Variants in DDHD2 observed in about 807,000 individuals in gnomAD.
The protein encoded by DDHD2 is DDHD domain containing 2, also known as triacylglycerol hydrolase DDHD2.
In DDHD2, 62 loss-of-function variants were observed where a neutral mutation model predicts 91.2. The ratio of observed to expected loss-of-function variants is 0.68; its 90% CI spans 0.55 to 0.84. The LOEUF is 0.84. DDHD2 is among the 40% of genes least tolerant of loss of function. The pLI is 0.00. For missense variants in DDHD2, 740 were observed against 846.9 expected (o/e 0.87, Z 1.57); for synonymous variants, 271 against 293.9 (o/e 0.92, Z 0.80).
chr8:38,260,426 A>G (rs946831234), intron 17 of DDHD2, 174 bp from the exon 18 acceptor site: 9 of 228,440 alleles, frequency 3.9e-5, no homozygotes, highest in African/African-American at 9.0e-5. Flanking sequence ...TGGTTCTGTT[A>G]TCTAAGAGTT....
At chr8:38,244,510 C>T (rs375798156) in intron 7 of DDHD2, among the ~76,000 whole-genome samples, 75 of 152,192 alleles carry the variant, frequency 4.9e-4, no homozygotes, top group African/African-American at 1.4e-3. Context: ...CCCGCCTCAG[C>T]CTCCCAAAGT....
At chr8:38,266,242 C>T (rs1807564774), downstream of DDHD2, 1 of 1,613,796 alleles carries the variant, frequency 6.2e-7, no homozygotes, top group Non-Finnish European at 8.5e-7. Context: ...TTTCCCACGG[C>T]CTTGTGGTGT....
At chr8:38,237,404 A>G in intron 3 of DDHD2, 134 bp from the exon 4 acceptor site, 1 of 534,296 alleles carries the variant, frequency 1.9e-6, no homozygotes, top group South Asian at 2.0e-5. Context: ...CAACAAAAAG[A>G]TTTAAAAATA....
intron 3 of DDHD2, among the ~76,000 whole-genome samples, chr8:38,236,857 G>A (rs1286893081): frequency 6.6e-6 from 1 of 151,234 alleles, no homozygotes; most frequent in Non-Finnish European, 1.5e-5. Flanking sequence ...TAAAAATGGG[G>A]TTTTGCCGTG....
chr8:38,244,825 A>G (rs1805500848), intron 7 of DDHD2, among the ~76,000 whole-genome samples: 1 of 152,192 alleles, frequency 6.6e-6, no homozygotes, highest in South Asian at 2.1e-4. Context: ...CAGCCTCCCA[A>G]AGTGCTGGCA....
downstream of DDHD2, chr8:38,272,088 T>C (rs2130973613): frequency 1.3e-5 from 2 of 152,384 alleles, no homozygotes; most frequent in Middle Eastern, 6.8e-3. Flanking sequence ...CTGTCCCATC[T>C]GAGGGTCCTT....
At chr8:38,253,921 A>G (rs1189015514) in intron 16 of DDHD2, among the ~76,000 whole-genome samples, 3 of 151,974 alleles carry the variant, frequency 2.0e-5, no homozygotes, top group Admixed American at 2.0e-4. Flanking sequence ...CTCTACAAAA[A>G]CTAAATTAGC....
Position 38,232,901 on chromosome 8 carries a change from C to G in DDHD2, c.-8-86C>G, listed in dbSNP as rs1414916770. 7 of 838,630 alleles carry G rather than the reference C, an allele frequency of 8.3e-6. No individual in the cohort carries two copies. In the East Asian group the frequency reaches 1.1e-4, roughly 13 times the overall value. The allele number at this position is 838,630 out of a possible 1,614,324, so 51.9% of individuals were successfully genotyped here. A position where few individuals can be genotyped will look rare whatever the true frequency, so the allele number is the denominator to read the frequency against. The stretch of plus-strand genomic sequence containing the variant: ...GTTGTTGTTGTTGCAGAAATGGCTC[C>G]GTAAAATGATTAGTTTTGTGCGTGT... On this transcript the variant is annotated intron_variant, in intron 1 of 17. Coordinates refer to ENST00000397166, the MANE Select transcript of DDHD2 (RefSeq NM_015214.3).
rs999258868 is a variant in DDHD2 at position 38,239,652 on chromosome 8, A to C, written c.623-623A>C. Reference sequence around the variant, plus strand: ...CAGTGAGCCAAGATCGTGCCACTGCACTCCAGCCTGGGTGACAGAGCAAGA... The same window carrying C: ...CAGTGAGCCAAGATCGTGCCACTGCCCTCCAGCCTGGGTGACAGAGCAAGA... On this transcript the variant is annotated intron_variant, in intron 5 of 17. Transcript: ENST00000397166. Among the ~76,000 whole-genome samples the C allele has an allele frequency of 3.6e-5, 5 of 137,928 alleles. No individual in the cohort carries two copies. The South Asian group carries it at 1.2e-3, about 33-fold the overall frequency. The allele number at this position is 137,928 out of a possible 152,430, so 90.5% of individuals were successfully genotyped here.
At chr8:38,268,190 G>A in intron 1 of DDHD2, 1 of 1,140,198 alleles carries the variant, frequency 8.8e-7, no homozygotes, top group Non-Finnish European at 1.2e-6. Context: ...GCACAGGGCT[G>A]CCTGCCGTGT....
downstream of DDHD2, chr8:38,273,083 G>A (rs564733990): frequency 6.6e-6 from 1 of 152,306 alleles, no homozygotes; most frequent in East Asian, 1.9e-4. Context: ...AGGCTGGAGT[G>A]CAGTGATGTG....
chr8:38,257,183 T>C (rs1233999507), intron 16 of DDHD2, among the ~76,000 whole-genome samples: 1 of 151,510 alleles, frequency 6.6e-6, no homozygotes, highest in Admixed American at 6.6e-5. Flanking sequence ...ATCCTCCCAC[T>C]TGGCTTCCCA....
At chr8:38,247,263 G>T (rs1391984635) in intron 9 of DDHD2, 1 of 151,736 alleles carries the variant, frequency 6.6e-6, no homozygotes, top group Non-Finnish European at 1.5e-5. Flanking sequence ...CTCCCCAGTA[G>T]CTGGGACAGG....
downstream of DDHD2, chr8:38,267,114 C>G: frequency 6.6e-7 from 1 of 1,504,982 alleles, no homozygotes; most frequent in Non-Finnish European, 8.9e-7. Flanking sequence ...AGTCAAGGCT[C>G]AGACTTGTTA....
chr8:38,264,455 A>T, downstream of DDHD2: 1 of 1,548,070 alleles, frequency 6.5e-7, no homozygotes. Context: ...TAAATATCAA[A>T]ACAATAAGAA....
chr8:38,269,208 G>C, intron 1 of DDHD2: 2 of 1,496,832 alleles, frequency 1.3e-6, no homozygotes, highest in South Asian at 1.2e-5. Context: ...ATCCGGCCGC[G>C]AGCTCCGAGC....
At chr8:38,238,398 A>C (rs996244799) in intron 5 of DDHD2, 189 bp downstream of exon 5, 119 of 1,356,540 alleles carry the variant, frequency 8.8e-5, no homozygotes, top group Non-Finnish European at 1.1e-4. Context: ...AATATCTTTT[A>C]AAACATATGG....
downstream of DDHD2, chr8:38,264,732 CTT>C (rs1807317717): frequency 6.9e-7 from 1 of 1,442,386 alleles, no homozygotes; most frequent in Admixed American, 2.8e-5. Context: ...CAATTCCAGA[CTT>C]ATGATTTCTA....
intron 2 of DDHD2, among the ~76,000 whole-genome samples, chr8:38,233,957 A>T (rs532077874): frequency 7.9e-5 from 12 of 151,972 alleles, no homozygotes; most frequent in African/African-American, 2.9e-4. Flanking sequence ...AAAAGAAAAA[A>T]GTATGTATAG....
Sources: allele counts gnomAD v4.1 joint callset (sites outside exome capture counted in the v4.1 genomes callset), GRCh38; gene constraint gnomAD v4.1.1; transcripts MANE v1.5; gene names NCBI Gene and HGNC (gene_info 2026-07-23, HGNC 2026-07-21).